Variants in P2RY8 observed in about 807,000 individuals in gnomAD.
P2RY8 encodes S-geranylgeranyl-glutathione receptor P2RY8.
In P2RY8, 6 loss-of-function variants were observed where a neutral mutation model predicts 10.0. The ratio of observed to expected loss-of-function variants is 0.60; its 90% CI spans 0.33 to 1.19. The LOEUF is 1.19. Ranked by LOEUF, P2RY8 falls within the 50% of genes most tolerant of loss-of-function variation. The probability of loss-of-function intolerance (pLI) is 0.04; values close to 1 mark genes in which losing one functional copy is unlikely to be tolerated. For missense variants in P2RY8, 456 were observed against 542.0 expected (o/e 0.84, Z 1.58); for synonymous variants, 276 against 252.5 (o/e 1.09, Z -0.88).
At chrX:1,502,458 CT>C (rs1302507183) in intron 1 of P2RY8, among the ~76,000 whole-genome samples, 1 of 152,100 alleles carries the variant, frequency 6.6e-6, no homozygotes, top group African/African-American at 2.4e-5. Context: ...TACTGACTCT[CT>C]GGGGACCCTG....
At chrX:1,534,175 A>G (rs28404353) in intron 1 of P2RY8, among the ~76,000 whole-genome samples, 112,351 of 134,044 alleles carry the variant, frequency 0.84, 47,922 homozygotes, top group East Asian at 0.98. Flanking sequence ...ATTTACATAT[A>G]TTATATATTT....
At chrX:1,492,257 A>G (rs2092060190) in intron 1 of P2RY8, among the ~76,000 whole-genome samples, 2 of 152,202 alleles carry the variant, frequency 1.3e-5, no homozygotes. Context: ...GTGTGGCCCA[A>G]GCCTGGCCAG....
At chrX:1,497,008 C>A (rs2092123464) in intron 1 of P2RY8, among the ~76,000 whole-genome samples, 1 of 147,934 alleles carries the variant, frequency 6.8e-6, no homozygotes, top group South Asian at 2.2e-4. Context: ...CACTTGAGAT[C>A]AGGAGTTCGA....
chrX:1,487,906 C>G (rs374099095), intron 1 of P2RY8, among the ~76,000 whole-genome samples: 1 of 152,030 alleles, frequency 6.6e-6, no homozygotes, highest in Non-Finnish European at 1.5e-5. Context: ...GTCAGGAGAT[C>G]GAGACCATCC....
chrX:1,535,400 C>T (rs1352831481), intron 1 of P2RY8, among the ~76,000 whole-genome samples: 2 of 151,526 alleles, frequency 1.3e-5, no homozygotes, highest in Non-Finnish European at 2.9e-5. Context: ...GTTGGCCAGG[C>T]TGGTCTCAAA....
chrX:1,478,476 T>C (rs1270929600), intron 1 of P2RY8, among the ~76,000 whole-genome samples: 1 of 151,370 alleles, frequency 6.6e-6, no homozygotes, highest in Non-Finnish European at 1.5e-5. Flanking sequence ...AGGTATCTTT[T>C]ATTTATTTAT....
chrX:1,467,783 C>T (rs1378243594), intron 1 of P2RY8, among the ~76,000 whole-genome samples: 1 of 152,180 alleles, frequency 6.6e-6, no homozygotes, highest in Non-Finnish European at 1.5e-5. Flanking sequence ...CTCAAGCAAT[C>T]CTCCTGCCTC....
intron 1 of P2RY8, among the ~76,000 whole-genome samples, chrX:1,534,132 A>T (rs1320393227): frequency 7.7e-6 from 1 of 130,104 alleles, no homozygotes; most frequent in Admixed American, 8.4e-5. Context: ...TTATATATTT[A>T]TATATATTTA....
rs1209503733 is a variant in P2RY8 at position 1,463,691 on chromosome X, A to T, written c.*1788T>A. 4.6e-6 allele frequency: 1 copy of T among 217,342 alleles called. No homozygotes were observed. The highest frequency in any genetic ancestry group is 9.0e-6 in the Non-Finnish European group (1 of 110,808). The allele number at this position is 217,342 out of a possible 1,614,324, so 13.5% of individuals were successfully genotyped here. ...ACTGTTTAGTGCACTCTGCAATTGT[A>T]TCCAGTTCCCTCCAGAGACTCTAGG... is the stretch of plus-strand genomic sequence containing the variant. On this transcript the variant is annotated 3_prime_UTR_variant, in exon 2 of 2. Coordinates refer to ENST00000381297, the MANE Select transcript of P2RY8 (RefSeq NM_178129.5).
At chrX:1,533,887 A>C (rs1287078359) in intron 1 of P2RY8, among the ~76,000 whole-genome samples, 42 of 122,318 alleles carry the variant, frequency 3.4e-4, no homozygotes, top group African/African-American at 1.2e-3. Flanking sequence ...TTTATATATT[A>C]TATACTTATA....
In P2RY8 at chrX:1,466,492, C is replaced by G; in HGVS notation, c.67G>C (p.Ala23Pro). Residue 23 changes from alanine (A) to proline (P), a missense_variant, in exon 2 of 2, where the codon GCG becomes CCG. By Grantham distance (27) the Ala-to-Pro change is conservative (BLOSUM62 -1). Coordinates refer to ENST00000381297, the MANE Select transcript of P2RY8 (RefSeq NM_178129.5). The stretch of plus-strand genomic sequence containing the variant: ...GAGTACACCACGGGCAGGGCCACCG[C>G]GATCGCCGGGTTCCGCAGCATCTGC... The part of the protein sequence containing the change: ...TLQMLRNPAI[A>P]VALPVVYSLV... The G allele has an allele frequency of 1.2e-6, 2 of 1,611,360 alleles. No individual in the cohort carries two copies. Among genetic ancestry groups the G allele is most frequent in the Non-Finnish European group, 1.7e-6 (2 of 1,179,716 alleles).
rs1426509366 is a variant in P2RY8, at chrX:1,464,525, G to A, written c.*954C>T. ...TCTCCATGGGGTAAAAGGACGCGGA[G>A]AATGGGCAGGAGGTGGGGAACTCCC... On this transcript the variant is annotated 3_prime_UTR_variant, in exon 2 of 2. Transcript: ENST00000381297. The A allele has an allele frequency of 1.3e-5, 3 of 233,382 alleles. No homozygotes were observed. The highest frequency in any genetic ancestry group is 2.5e-5 in the Non-Finnish European group (3 of 118,250). The allele number at this position is 233,382 out of a possible 1,614,324, so 14.5% of individuals were successfully genotyped here.
intron 1 of P2RY8, among the ~76,000 whole-genome samples, chrX:1,514,579 C>T (rs867107362): frequency 0.072 from 495 of 6,840 alleles, 59 homozygotes; most frequent in East Asian, 0.36. Flanking sequence ...CCCTTCCCTT[C>T]CTTTTCCTTT....
chrX:1,508,455 C>T (rs1386315179), intron 1 of P2RY8, among the ~76,000 whole-genome samples: 1 of 152,158 alleles, frequency 6.6e-6, no homozygotes, highest in Non-Finnish European at 1.5e-5. Context: ...GTCAGCAGTG[C>T]TGAGGCTGAG....
At chrX:1,519,337 G>A (rs2092374211) in intron 1 of P2RY8, among the ~76,000 whole-genome samples, 1 of 149,894 alleles carries the variant, frequency 6.7e-6, no homozygotes, top group Non-Finnish European at 1.5e-5. Context: ...TAATCTCTCT[G>A]GTCTCCAATC....
At chrX:1,488,856 T>C (rs1211762787) in intron 1 of P2RY8, among the ~76,000 whole-genome samples, 3 of 151,936 alleles carry the variant, frequency 2.0e-5, no homozygotes, top group African/African-American at 7.3e-5. Context: ...AGAGAATGAA[T>C]GAATGACATC....
chrX:1,528,642 G>A (rs1421122939), intron 1 of P2RY8, among the ~76,000 whole-genome samples: 1 of 152,208 alleles, frequency 6.6e-6, no homozygotes, highest in African/African-American at 2.4e-5. Flanking sequence ...GTGGATTTGA[G>A]TCTCTTTGAA....
At chrX:1,506,540 A>G (rs565547641) in intron 1 of P2RY8, among the ~76,000 whole-genome samples, 2 of 152,274 alleles carry the variant, frequency 1.3e-5, no homozygotes, top group South Asian at 4.1e-4. Context: ...GAAAGAAGGC[A>G]GAGGAGAGAG....
chrX:1,521,653 T>C (rs2092392467), intron 1 of P2RY8, among the ~76,000 whole-genome samples: 1 of 152,152 alleles, frequency 6.6e-6, no homozygotes. Flanking sequence ...CCGTCAGTCA[T>C]TTGCATGAGT....
Sources: gnomAD v4.1 joint callset for allele counts (sites outside exome capture counted in the v4.1 genomes callset) on GRCh38, gnomAD v4.1.1 for gene constraint, MANE v1.5 for transcripts, NCBI Gene and HGNC (gene_info 2026-07-23, HGNC 2026-07-21) for gene names.